The following LRRC4C variants were observed in gnomAD, a reference collection of about 807,000 sequenced individuals.
LRRC4C encodes leucine-rich repeat-containing protein 4C.
In LRRC4C, 5 loss-of-function variants were observed where a neutral mutation model predicts 33.6. The ratio of observed to expected loss-of-function variants is 0.15; its 90% CI spans 0.08 to 0.31. LRRC4C has a LOEUF of 0.31. Ranked by LOEUF, LRRC4C falls within the 10% of genes least tolerant of loss-of-function variation. The pLI is 1.00. For synonymous variants in LRRC4C, 329 were observed against 302.0 expected (o/e 1.09, Z -0.93); for missense variants, 560 against 796.7 (o/e 0.70, Z 3.58).
intron 1 of LRRC4C, among the ~76,000 whole-genome samples, chr11:41,330,313 GT>G (rs1209235237): frequency 5.3e-5 from 8 of 151,694 alleles, no homozygotes; most frequent in Middle Eastern, 3.2e-3. Context: ...GCACTATTTT[GT>G]TTTTTTCTTT....
At chr11:40,636,328 T>C (rs1362728436) in intron 3 of LRRC4C, among the ~76,000 whole-genome samples, 1 of 152,174 alleles carries the variant, frequency 6.6e-6, no homozygotes, top group Non-Finnish European at 1.5e-5. Context: ...CTAAGGAGTA[T>C]GGTTTATGGG....
chr11:41,111,472 A>G (rs1005148688), intron 1 of LRRC4C, among the ~76,000 whole-genome samples: 2 of 152,094 alleles, frequency 1.3e-5, no homozygotes, highest in Non-Finnish European at 2.9e-5. Flanking sequence ...ATATTAAACT[A>G]TTAAATCTCC....
chr11:40,394,366 T>A (rs2137480275), intron 3 of LRRC4C, among the ~76,000 whole-genome samples: 1 of 152,250 alleles, frequency 6.6e-6, no homozygotes, highest in African/African-American at 2.4e-5. Context: ...AGCTAAGAAT[T>A]ATCTTCAAGG....
rs1855261312 is a variant in LRRC4C, at chr11:40,114,422, G to C, written c.1871C>G (p.Pro624Arg). ...INSIHSSVHEPLLIRMNSKDN... is the reference protein window; with the variant it reads ...INSIHSSVHERLLIRMNSKDN... Reference sequence around the variant, plus strand: ...TTTAGAGTTCATTCGGATCAATAACGGTTCATGCACTGAACTGTGTATTGA... The same window carrying C: ...TTTAGAGTTCATTCGGATCAATAACCGTTCATGCACTGAACTGTGTATTGA... Residue 624 changes from proline to arginine, a missense_variant, in exon 7 of 7, where the codon CCG becomes CGG. By Grantham distance (103) the Pro-to-Arg change is moderately radical. This residue lies in a region of LRRC4C where 103 missense variants were observed against 132.1 expected (regional missense o/e 0.78). Transcript: ENST00000528697. The C allele has an allele frequency of 3.1e-6, 5 of 1,613,708 alleles. No homozygotes were observed. Among genetic ancestry groups the C allele is most frequent in the Non-Finnish European group, 3.4e-6 (4 of 1,179,922 alleles).
At chr11:40,836,538 T>C (rs1952675012) in intron 2 of LRRC4C, among the ~76,000 whole-genome samples, 1 of 152,174 alleles carries the variant, frequency 6.6e-6, no homozygotes, top group Admixed American at 6.6e-5. Flanking sequence ...TAGGTCACTG[T>C]CTCCTAGTAA....
Position 41,097,231 on chromosome 11 carries a change from A to G in LRRC4C, c.-495-163508T>C, listed in dbSNP as rs145543083. Among the ~76,000 whole-genome samples the G allele has an allele frequency of 3.7e-3, 560 of 152,270 alleles. 3 individuals are homozygous for G. The highest frequency in any genetic ancestry group is 0.013 in the African/African-American group (528 of 41,556). On this transcript the variant is annotated intron_variant, in intron 1 of 6. Transcript: ENST00000528697. ...ACAATCAACATATCAAGAAATATGC[A>G]AGAATCCTGAAAAACAGTGGAAAAA...
At chr11:40,577,957 C>T (rs1958271921) in intron 3 of LRRC4C, among the ~76,000 whole-genome samples, 1 of 149,926 alleles carries the variant, frequency 6.7e-6, no homozygotes, top group Non-Finnish European at 1.5e-5. Flanking sequence ...GCCTCAGCCT[C>T]CCGAGTAGCT....
intron 1 of LRRC4C, among the ~76,000 whole-genome samples, chr11:41,074,985 C>A: frequency 6.7e-6 from 1 of 150,294 alleles, no homozygotes; most frequent in Admixed American, 6.6e-5. Flanking sequence ...ATTTAAGTCT[C>A]ACCCCATCCT....
chr11:40,565,982 T>G (rs1247625267), intron 3 of LRRC4C, among the ~76,000 whole-genome samples: 1 of 152,004 alleles, frequency 6.6e-6, no homozygotes, highest in Non-Finnish European at 1.5e-5. Context: ...GAAACACTTG[T>G]AAAGATGCTT....
chr11:40,674,505 G>A (rs1352607519), intron 2 of LRRC4C, among the ~76,000 whole-genome samples: 3 of 152,122 alleles, frequency 2.0e-5, no homozygotes, highest in Non-Finnish European at 2.9e-5. Context: ...AAACAGCCAG[G>A]GGCTCTTAGG....
At chr11:40,917,483 C>CT (rs1299440922) in intron 2 of LRRC4C, among the ~76,000 whole-genome samples, 1 of 152,050 alleles carries the variant, frequency 6.6e-6, no homozygotes, top group Non-Finnish European at 1.5e-5. Context: ...ATGATTTCAA[C>CT]TTATAAAAGA....
chr11:40,995,921 G>T (rs560664771), intron 1 of LRRC4C, among the ~76,000 whole-genome samples: 154 of 152,196 alleles, frequency 1.0e-3, no homozygotes, highest in Non-Finnish European at 1.9e-3. Context: ...CTTGCCCAAA[G>T]AACACTGACT....
chr11:40,322,907 G>C (rs1034741885), intron 3 of LRRC4C, among the ~76,000 whole-genome samples: 5 of 152,094 alleles, frequency 3.3e-5, no homozygotes, highest in Admixed American at 6.6e-5. Flanking sequence ...AATATCTTCT[G>C]TAAATTACAT....
At chr11:40,579,448 A>T (rs962658931) in intron 3 of LRRC4C, among the ~76,000 whole-genome samples, 34 of 150,088 alleles carry the variant, frequency 2.3e-4, no homozygotes, top group Non-Finnish European at 3.7e-4. Flanking sequence ...CACTGTATTT[A>T]TTTTGTTTTT....
At chr11:40,256,916 T>C (rs1271960255) in intron 4 of LRRC4C, among the ~76,000 whole-genome samples, 1 of 152,218 alleles carries the variant, frequency 6.6e-6, no homozygotes, top group Non-Finnish European at 1.5e-5. Flanking sequence ...TCCATTTATG[T>C]CTTCAGCAGA....
At chr11:41,433,061 C>T (rs1955297822) in intron 1 of LRRC4C, among the ~76,000 whole-genome samples, 1 of 152,074 alleles carries the variant, frequency 6.6e-6, no homozygotes, top group African/African-American at 2.4e-5. Context: ...CCTCTCAATG[C>T]CTCAATAAAA....
At chr11:41,130,711 T>C (rs1189619034) in intron 1 of LRRC4C, among the ~76,000 whole-genome samples, 1 of 152,034 alleles carries the variant, frequency 6.6e-6, no homozygotes, top group African/African-American at 2.4e-5. Context: ...GGCCATTTTT[T>C]AAAGTATGAA....
intron 3 of LRRC4C, among the ~76,000 whole-genome samples, chr11:40,425,450 G>T (rs538911870): frequency 6.6e-6 from 1 of 152,118 alleles, no homozygotes; most frequent in East Asian, 1.9e-4. Flanking sequence ...CCTTACAAAG[G>T]TTCAACACAA....
chr11:40,524,506 T>C (rs767778251), intron 3 of LRRC4C, among the ~76,000 whole-genome samples: 7 of 152,176 alleles, frequency 4.6e-5, no homozygotes, highest in Non-Finnish European at 8.8e-5. Flanking sequence ...TTATTTAGTA[T>C]ATAAAAAATG....
Sources: allele counts gnomAD v4.1 joint callset (sites outside exome capture counted in the v4.1 genomes callset), GRCh38; gene constraint gnomAD v4.1.1; regional missense constraint gnomAD v4.1.1; transcripts MANE v1.5; gene names NCBI Gene and HGNC (gene_info 2026-07-23, HGNC 2026-07-21).